The following PUM1 variants were observed in gnomAD, a reference collection of about 807,000 sequenced individuals.
PUM1 encodes the protein pumilio RNA binding family member 1.
PUM1 carries 13 observed loss-of-function variants against 131.8 expected under a neutral mutation model. The observed-to-expected ratio is 0.10, with a 90% CI of 0.06 to 0.16. PUM1 has a LOEUF of 0.16. Ranked by LOEUF, PUM1 falls within the 10% of genes least tolerant of loss-of-function variation. PUM1 has a pLI of 1.00. For missense variants in PUM1, 961 were observed against 1,512.4 expected (o/e 0.64, Z 6.05); for synonymous variants, 509 against 556.5 (o/e 0.91, Z 1.20).
intron 8 of PUM1, among the ~76,000 whole-genome samples, chr1:30,980,626 T>A (rs192393637): frequency 1.4e-3 from 206 of 152,302 alleles, no homozygotes; most frequent in African/African-American, 4.8e-3. Flanking sequence ...TGGCCTTTAT[T>A]TATTTAGGTT....
At chr1:30,995,988 G>A (rs1271008354) in intron 5 of PUM1, among the ~76,000 whole-genome samples, 1 of 152,206 alleles carries the variant, frequency 6.6e-6, no homozygotes, top group African/African-American at 2.4e-5. Context: ...TTAAATTGAA[G>A]CATTTGATAC....
intron 5 of PUM1, among the ~76,000 whole-genome samples, chr1:30,996,185 A>C (rs1444829365): frequency 6.6e-6 from 1 of 152,182 alleles, no homozygotes; most frequent in African/African-American, 2.4e-5. Flanking sequence ...TTCTTGTAAA[A>C]CTAGAGGGAA....
At chr1:30,955,086 CAAACAAAAAA>C (rs1301693490) in intron 14 of PUM1, among the ~76,000 whole-genome samples, 4 of 149,920 alleles carry the variant, frequency 2.7e-5, no homozygotes, top group African/African-American at 7.3e-5. Flanking sequence ...AACAAACAAA[CAAACAAAAAA>C]AAACAAAAAC....
At chr1:31,014,219 T>C (rs1642725127) in intron 3 of PUM1, among the ~76,000 whole-genome samples, 1 of 147,712 alleles carries the variant, frequency 6.8e-6, no homozygotes, top group African/African-American at 2.5e-5. Context: ...GAGGATCACC[T>C]GAGCCCAGGA....
At chr1:30,954,305 C>T (rs1203859028) in intron 14 of PUM1, among the ~76,000 whole-genome samples, 1 of 152,142 alleles carries the variant, frequency 6.6e-6, no homozygotes, top group African/African-American at 2.4e-5. Flanking sequence ...AGCACCTGAG[C>T]ACCAGCAATA....
At position 31,065,607 on chromosome 1, in the gene PUM1, G is replaced by T; in HGVS notation, c.-12+9C>A. The T allele has an allele frequency of 6.5e-7, 1 of 1,545,944 alleles. No individual in the cohort carries two copies. The highest frequency in any genetic ancestry group is 8.7e-7 in the Non-Finnish European group (1 of 1,146,424). ...CAGCGTTTGGGGCCGGTGGGGTGCGGATACTCACGGGCGGAGCGGTAGGAT... is the reference window on the plus strand; with the variant it reads ...CAGCGTTTGGGGCCGGTGGGGTGCGTATACTCACGGGCGGAGCGGTAGGAT... On this transcript the variant is annotated intron_variant, in intron 1 of 21. Coordinates refer to ENST00000426105, the MANE Select transcript of PUM1 (RefSeq NM_001020658.2).
In PUM1 at chr1:30,974,703, G is replaced by C. The variant is rs1285676869; in HGVS notation, c.1454C>G (p.Thr485Ser). 1.2e-6 allele frequency: 2 copies of C among 1,611,318 alleles called. No homozygotes were observed. Among genetic ancestry groups the C allele is most frequent in the Admixed American group, 3.3e-5 (2 of 59,750 alleles). ...QQQAAAAAAATNSANQQTTPQ... is the reference protein window; with the variant it reads ...QQQAAAAAAASNSANQQTTPQ... ...GGTGGTCTGTTGATTAGCTGAATTA[G>C]TTGCTGCAGCGGCAGCGGCAGCTTG... Residue 485 changes from threonine (T) to serine (S), a missense_variant, in exon 10 of 22, where the codon ACT (threonine) becomes AGT (serine). Physicochemically the swap from Thr to Ser is moderately conservative, Grantham distance 58. This residue lies in a region of PUM1 where 654 missense variants were observed against 923.9 expected (regional missense o/e 0.71). Transcript: ENST00000426105.
intron 2 of PUM1, among the ~76,000 whole-genome samples, chr1:31,038,984 A>ATATTTTTTT: frequency 2.8e-4 from 14 of 49,424 alleles, no homozygotes; most frequent in African/African-American, 8.3e-4. Flanking sequence ...ATATATATAT[A>ATATTTTTTT]TTTTTTTTTT....
At chr1:30,988,884 A>G (rs1641666776) in intron 7 of PUM1, among the ~76,000 whole-genome samples, 1 of 152,224 alleles carries the variant, frequency 6.6e-6, no homozygotes, top group Non-Finnish European at 1.5e-5. Context: ...TTCAGAACCC[A>G]TTAATTTAGC....
chr1:30,933,008 T>TA lies in PUM1; in HGVS notation c.*202dup. The TA allele has an allele frequency of 1.8e-6, 1 of 546,660 alleles. No individual in the cohort carries two copies. Among genetic ancestry groups the TA allele is most frequent in the Non-Finnish European group, 3.1e-6 (1 of 326,868 alleles). The allele number at this position is 546,660 out of a possible 1,614,324, so 33.9% of individuals were successfully genotyped here. A position where few individuals can be genotyped will look rare whatever the true frequency, so the allele number is the denominator to read the frequency against. ...AGGGCAATTAGTCAATTAAAAAAAA[T>TA]AGTACATGTTATGTGTAATAAAATT... On this transcript the variant is annotated 3_prime_UTR_variant, in exon 22 of 22. Transcript: ENST00000426105.
chr1:31,033,376 C>CTTTTTTTTTTTT (rs748444500), intron 2 of PUM1, among the ~76,000 whole-genome samples: 1 of 102,510 alleles, frequency 9.8e-6, no homozygotes, highest in Non-Finnish European at 1.9e-5. Flanking sequence ...AGCTAATTTT[C>CTTTTTTTTTTTT]TTTTTTTTTT....
chr1:30,993,699 A>G (rs1376985452), intron 6 of PUM1, among the ~76,000 whole-genome samples: 2 of 152,174 alleles, frequency 1.3e-5, no homozygotes, highest in Non-Finnish European at 2.9e-5. Context: ...TGGATATTCA[A>G]GGTGGAGAGG....
At chr1:30,948,999 A>G (rs1325400908) in intron 17 of PUM1, 4 of 431,334 alleles carry the variant, frequency 9.3e-6, no homozygotes, top group Non-Finnish European at 1.4e-5. Context: ...CGTGGCACAT[A>G]CCTTTGAAAC....
At chr1:31,025,474 T>A (rs748314477) in intron 3 of PUM1, among the ~76,000 whole-genome samples, 4 of 151,936 alleles carry the variant, frequency 2.6e-5, no homozygotes, top group Non-Finnish European at 2.9e-5. Context: ...AACGAAGATA[T>A]GGTGCCTAGC....
chr1:31,042,608 TTTTC>T (rs2124572660), intron 2 of PUM1, among the ~76,000 whole-genome samples: 1 of 152,352 alleles, frequency 6.6e-6, no homozygotes, highest in Non-Finnish European at 1.5e-5. Flanking sequence ...GTTTGTCTTT[TTTTC>T]TTTTTTAACT....
At chr1:30,966,303 T>A (rs199934899) in intron 12 of PUM1, 25 bp from the exon 13 acceptor site, 3 of 1,547,414 alleles carry the variant, frequency 1.9e-6, no homozygotes, top group Non-Finnish European at 2.6e-6. Flanking sequence ...GCAAACCGTT[T>A]GGCTATGAAA....
chr1:30,971,029 A>G (rs1433789899), intron 10 of PUM1, among the ~76,000 whole-genome samples: 1 of 152,212 alleles, frequency 6.6e-6, no homozygotes, highest in Non-Finnish European at 1.5e-5. Context: ...CTACAAATAA[A>G]AGTCCTTCAG....
At chr1:30,971,886 T>G (rs531824838) in intron 10 of PUM1, among the ~76,000 whole-genome samples, 2 of 152,282 alleles carry the variant, frequency 1.3e-5, no homozygotes, top group South Asian at 4.1e-4. Context: ...TCCAAATGCA[T>G]AATAATTTGG....
At chr1:31,050,200 G>A (rs1197607840) in intron 2 of PUM1, among the ~76,000 whole-genome samples, 2 of 152,084 alleles carry the variant, frequency 1.3e-5, no homozygotes, top group Non-Finnish European at 2.9e-5. Flanking sequence ...TAAAATTATA[G>A]TCAGGCCAGG....
Sources: gnomAD v4.1 joint callset for allele counts (sites outside exome capture counted in the v4.1 genomes callset) on GRCh38, gnomAD v4.1.1 for gene constraint, gnomAD v4.1.1 regional missense constraint, MANE v1.5 for transcripts, NCBI Gene and HGNC (gene_info 2026-07-23, HGNC 2026-07-21) for gene names.